The following CRB1 variants were observed in gnomAD, a reference collection of about 807,000 sequenced individuals.
CRB1 encodes crumbs cell polarity complex component 1.
A neutral mutation model predicts 120.0 loss-of-function variants in CRB1; 83 were observed. The ratio of observed to expected loss-of-function variants is 0.69; its 90% confidence interval spans 0.58 to 0.83. The LOEUF (loss-of-function observed/expected upper bound fraction) is 0.83. Ranked by LOEUF, CRB1 falls within the 40% of genes least tolerant of loss-of-function variation. The pLI is 0.00. For synonymous variants in CRB1, 625 were observed against 612.5 expected, an observed-to-expected ratio of 1.02 and a Z score of -0.30; for missense variants, 1,699 against 1,687.6, an observed-to-expected ratio of 1.01 and a Z score of -0.12.
rs146257583 is a variant in CRB1 at position 197,309,810 on chromosome 1, T to C, written c.71-18612T>C. 7.2e-5 allele frequency among the ~76,000 whole-genome samples: 11 copies of C among 151,950 alleles called. No homozygotes were observed. In the South Asian group the frequency reaches 1.7e-3, roughly 23 times the overall value. The stretch of plus-strand genomic sequence containing the variant: ...TAAATAAATAAATTTACTTATGTAC[T>C]GTAGTTGTTCAAGATGAAGGTTACA... On this transcript the variant is annotated intron_variant, in intron 1 of 11. Transcript: ENST00000367400.
chr1:197,369,010 A>T (rs773829403), intron 5 of CRB1, among the ~76,000 whole-genome samples: 2 of 152,136 alleles, frequency 1.3e-5, no homozygotes, highest in Non-Finnish European at 2.9e-5. Context: ...CGTTTGTTAG[A>T]GTAAGAAGCT....
chr1:197,288,865 A>G (rs572999409), intron 1 of CRB1, among the ~76,000 whole-genome samples: 1 of 151,962 alleles, frequency 6.6e-6, no homozygotes, highest in African/African-American at 2.4e-5. Context: ...TACAAAGTCT[A>G]AGATATGCAA....
intron 1 of CRB1, among the ~76,000 whole-genome samples, chr1:197,279,866 G>A (rs1445162149): frequency 1.3e-5 from 2 of 148,276 alleles, no homozygotes; most frequent in African/African-American, 5.0e-5. Flanking sequence ...AGGAGTCTAT[G>A]ATTCATGTTT....
At chr1:197,210,198 G>A in the CRB1 span, among the ~76,000 whole-genome samples, 1 of 152,166 alleles carries the variant, frequency 6.6e-6, no homozygotes, top group African/African-American at 2.4e-5. Flanking sequence ...CAACTGTGAT[G>A]GTTCATTTTA....
intron 1 of CRB1, among the ~76,000 whole-genome samples, chr1:197,290,116 G>T (rs1156989393): frequency 6.6e-6 from 1 of 151,506 alleles, no homozygotes; most frequent in African/African-American, 2.4e-5. Flanking sequence ...CTTTCTTCAA[G>T]AGGTTTTTAA....
intron 5 of CRB1, among the ~76,000 whole-genome samples, chr1:197,381,725 G>A (rs370336953): frequency 1.3e-5 from 2 of 152,278 alleles, no homozygotes; most frequent in Non-Finnish European, 2.9e-5. Flanking sequence ...AATGAGTATT[G>A]TTCCTATCTT....
chr1:197,334,986 G>A (rs1211064497), intron 2 of CRB1, among the ~76,000 whole-genome samples: 3 of 152,202 alleles, frequency 2.0e-5, no homozygotes, highest in African/African-American at 7.2e-5. Flanking sequence ...AATGGTATTA[G>A]GGATTAACTT....
intron 1 of CRB1, among the ~76,000 whole-genome samples, chr1:197,308,563 G>T (rs966749831): frequency 1.3e-5 from 2 of 151,972 alleles, no homozygotes; most frequent in African/African-American, 4.8e-5. Context: ...TAAACAGTTT[G>T]GACTTAATAA....
At chr1:197,363,688 C>A in intron 5 of CRB1, 1 of 355,274 alleles carries the variant, frequency 2.8e-6, no homozygotes. Flanking sequence ...TCCCAACTCC[C>A]AACCCAAGCC....
the CRB1 span, among the ~76,000 whole-genome samples, chr1:197,215,667 T>A: frequency 6.6e-6 from 1 of 152,080 alleles, no homozygotes; most frequent in Admixed American, 6.5e-5. Flanking sequence ...TATAAGGGAC[T>A]TTTCCCCCTT....
At chr1:197,373,109 C>A in intron 5 of CRB1, among the ~76,000 whole-genome samples, 1 of 152,080 alleles carries the variant, frequency 6.6e-6, no homozygotes. Flanking sequence ...GTGTCCCAAC[C>A]CAGTAGCTAT....
chr1:197,223,073 C>G, the CRB1 span: 2 of 790,146 alleles, frequency 2.5e-6, no homozygotes, highest in Non-Finnish European at 4.6e-6. Flanking sequence ...AGTGAAGAAC[C>G]CAGCAAGTCC....
intron 1 of CRB1, among the ~76,000 whole-genome samples, chr1:197,317,962 T>C (rs1657954571): frequency 6.6e-6 from 1 of 150,684 alleles, no homozygotes; most frequent in Non-Finnish European, 1.5e-5. Context: ...GTAAAAAACC[T>C]CAAAAGTCTG....
Position 197,328,689 on chromosome 1 carries a change from C to T in CRB1, c.338C>T (p.Ser113Phe), listed in dbSNP as rs760083289. The change falls in exon 2 of 12, where the codon TCC becomes TTC. Residue 113 changes from serine to phenylalanine, a missense_variant. Transcript: ENST00000367400. The part of the protein sequence containing the change: ...SGTICETTIG[S>F]CGKNSCQHGG... The stretch of plus-strand genomic sequence containing the variant: ...ACAATCTGTGAAACTACCATTGGTT[C>T]CTGTGGCAAGAACTCCTGCCAACAT... 3.8e-5 allele frequency: 61 copies of T among 1,613,526 alleles called. 1 individual carries two copies. Among genetic ancestry groups the T allele is most frequent in the Non-Finnish European group, 4.6e-5 (54 of 1,179,556 alleles).
chr1:197,308,023 T>C (rs1229051946), intron 1 of CRB1, among the ~76,000 whole-genome samples: 1 of 152,080 alleles, frequency 6.6e-6, no homozygotes, highest in Non-Finnish European at 1.5e-5. Context: ...CAATAGTAAA[T>C]ACATGGAATC....
At chr1:197,214,316 A>T in the CRB1 span, among the ~76,000 whole-genome samples, 1 of 152,034 alleles carries the variant, frequency 6.6e-6, no homozygotes. Context: ...TTTTTTTTTC[A>T]ATATATACAG....
At chr1:197,438,093 C>A in intron 9 of CRB1, 1 of 206,024 alleles carries the variant, frequency 4.9e-6, no homozygotes. Context: ...CAAGTCTTGG[C>A]AGGGCAACTG....
At chr1:197,390,017 T>G (rs1662414704) in intron 5 of CRB1, among the ~76,000 whole-genome samples, 1 of 152,070 alleles carries the variant, frequency 6.6e-6, no homozygotes, top group South Asian at 2.1e-4. Context: ...GAACTTCCTT[T>G]TATTATGGTA....
At chr1:197,443,474 C>A (rs1255864343) in intron 11 of CRB1, 1 of 151,820 alleles carries the variant, frequency 6.6e-6, no homozygotes, top group Non-Finnish European at 1.5e-5. Context: ...CTTGACTTTT[C>A]TATCAAATGG....
Sources: allele counts gnomAD v4.1 joint callset (sites outside exome capture counted in the v4.1 genomes callset), GRCh38; gene constraint gnomAD v4.1.1; transcripts MANE v1.5; gene names NCBI Gene and HGNC (gene_info 2026-07-23, HGNC 2026-07-21).